The following ACMSD variants were observed in gnomAD, a reference collection of about 807,000 sequenced individuals.
ACMSD encodes the protein 2-amino-3-carboxymuconate-6-semialdehyde decarboxylase.
A neutral mutation model predicts 45.9 loss-of-function variants in ACMSD; 37 were observed. That is an observed-to-expected ratio of 0.81 (90% CI 0.62 to 1.06). The LOEUF is 1.06. ACMSD is among the 50% of genes least tolerant of loss of function. ACMSD has a pLI of 0.00. For missense variants in ACMSD, 434 were observed against 420.9 expected (o/e 1.03, Z -0.27); for synonymous variants, 138 against 148.8 (o/e 0.93, Z 0.53).
intron 8 of ACMSD, among the ~76,000 whole-genome samples, chr2:134,897,849 G>A (rs916546124): frequency 1.3e-5 from 2 of 150,750 alleles, no homozygotes; most frequent in Admixed American, 1.3e-4. Flanking sequence ...TCCAGAGATA[G>A]GGGATTTTCT....
intron 2 of ACMSD, among the ~76,000 whole-genome samples, chr2:134,852,876 C>T (rs1366287688): frequency 6.6e-6 from 1 of 151,866 alleles, no homozygotes; most frequent in Non-Finnish European, 1.5e-5. Flanking sequence ...TTTAAAAATA[C>T]ATTTCTGGCT....
At chr2:134,895,158 T>C (rs921005571) in intron 8 of ACMSD, among the ~76,000 whole-genome samples, 25 of 151,590 alleles carry the variant, frequency 1.6e-4, no homozygotes, top group African/African-American at 5.8e-4. Flanking sequence ...ACAAAAAAAT[T>C]AGCCGAGTGT....
chr2:134,895,329 T>C (rs1690048571), intron 8 of ACMSD, among the ~76,000 whole-genome samples: 1 of 62,286 alleles, frequency 1.6e-5, no homozygotes, highest in Non-Finnish European at 3.0e-5. Flanking sequence ...ATATATATGT[T>C]ATATATATAA....
At chr2:134,877,366 T>C (rs1688790758) in intron 8 of ACMSD, among the ~76,000 whole-genome samples, 1 of 152,222 alleles carries the variant, frequency 6.6e-6, no homozygotes, top group South Asian at 2.1e-4. Context: ...TAAACATTTA[T>C]TATCTCTCAT....
At chr2:134,864,671 A>C (rs140441618) in intron 5 of ACMSD, among the ~76,000 whole-genome samples, 12 of 152,330 alleles carry the variant, frequency 7.9e-5, no homozygotes, top group Admixed American at 2.6e-4. Flanking sequence ...TACCTAATAA[A>C]AAATAATACC....
intron 8 of ACMSD, among the ~76,000 whole-genome samples, chr2:134,880,250 C>CTCTTCTCTCTTCTCT (rs1688961814): frequency 1.3e-5 from 2 of 152,102 alleles, no homozygotes; most frequent in African/African-American, 4.8e-5. Context: ...TCTCTCTTCT[C>CTCTTCTCTCTTCTCT]CTTACCACAA....
intron 2 of ACMSD, among the ~76,000 whole-genome samples, chr2:134,847,444 A>ATAGATAGG (rs1491311788): frequency 7.4e-4 from 108 of 146,916 alleles, no homozygotes; most frequent in Middle Eastern, 3.4e-3. Context: ...AGATAGATAG[A>ATAGATAGG]TAGATATAGA....
chr2:134,867,995 T>C (rs1331985300), intron 6 of ACMSD, among the ~76,000 whole-genome samples: 2 of 152,180 alleles, frequency 1.3e-5, no homozygotes, highest in African/African-American at 4.8e-5. Flanking sequence ...AGTTAATACA[T>C]GAAAATGTAA....
At chr2:134,855,039 C>CTTTTTTT (rs5834430) in intron 2 of ACMSD, among the ~76,000 whole-genome samples, 1 of 150,494 alleles carries the variant, frequency 6.6e-6, no homozygotes. Context: ...TGTTTCTCAA[C>CTTTTTTT]TTTTTTTTTT....
At chr2:134,854,262 T>C (rs930152293) in intron 2 of ACMSD, among the ~76,000 whole-genome samples, 3 of 152,212 alleles carry the variant, frequency 2.0e-5, no homozygotes, top group African/African-American at 7.2e-5. Context: ...CATTCTATGA[T>C]TGAATCTTCT....
intron 7 of ACMSD, among the ~76,000 whole-genome samples, chr2:134,872,175 T>A (rs1033046755): frequency 6.6e-5 from 10 of 152,172 alleles, no homozygotes; most frequent in African/African-American, 2.4e-4. Flanking sequence ...GCCAGGATGG[T>A]CTCGATCTCC....
chr2:134,847,447 GAT>G (rs757923430), intron 2 of ACMSD, among the ~76,000 whole-genome samples: 34 of 141,122 alleles, frequency 2.4e-4, no homozygotes, highest in African/African-American at 6.8e-4. Flanking sequence ...TAGATAGATA[GAT>G]ATAGATAGAG....
At chr2:134,845,554 T>TCTCC (rs1687016977) in intron 2 of ACMSD, among the ~76,000 whole-genome samples, 4 of 119,706 alleles carry the variant, frequency 3.3e-5, no homozygotes, top group African/African-American at 1.0e-4. Flanking sequence ...TCTCTCTCTC[T>TCTCC]CCCCTCTCCC....
intron 8 of ACMSD, among the ~76,000 whole-genome samples, chr2:134,894,022 A>C (rs1057371645): frequency 2.6e-5 from 4 of 152,170 alleles, no homozygotes; most frequent in Non-Finnish European, 5.9e-5. Context: ...AAAAAGAAGA[A>C]AGACCTTAAT....
At chr2:134,890,925 A>AT (rs1559068611) in intron 8 of ACMSD, among the ~76,000 whole-genome samples, 5 of 152,206 alleles carry the variant, frequency 3.3e-5, no homozygotes, top group Middle Eastern at 6.8e-3. Flanking sequence ...TCAGGAAACC[A>AT]TAACATATCT....
intron 2 of ACMSD, among the ~76,000 whole-genome samples, chr2:134,856,864 T>C (rs1467657365): frequency 6.6e-6 from 1 of 152,112 alleles, no homozygotes; most frequent in Non-Finnish European, 1.5e-5. Flanking sequence ...CCAAATTGCT[T>C]TGACTATTTG....
At chr2:134,866,018 CTCAG>C (rs1440580939) in intron 5 of ACMSD, among the ~76,000 whole-genome samples, 2 of 152,122 alleles carry the variant, frequency 1.3e-5, no homozygotes, top group East Asian at 1.9e-4. Flanking sequence ...ATAATAAGTT[CTCAG>C]TCAATGTTAA....
chr2:134,862,205 G>A (rs996624600), intron 4 of ACMSD, among the ~76,000 whole-genome samples, 187 bp downstream of exon 4: 4 of 152,054 alleles, frequency 2.6e-5, no homozygotes, highest in Admixed American at 6.6e-5. Flanking sequence ...GCTCCAGTAC[G>A]GTAGCCAGTA....
At chr2:134,845,508 G>A (rs887617224) in intron 2 of ACMSD, among the ~76,000 whole-genome samples, 16 of 81,016 alleles carry the variant, frequency 2.0e-4, no homozygotes, top group African/African-American at 8.1e-4. Flanking sequence ...CACATTAAAA[G>A]GTCTCTCTCT....
Sources: gnomAD v4.1 joint callset for allele counts (sites outside exome capture counted in the v4.1 genomes callset) on GRCh38, gnomAD v4.1.1 for gene constraint, MANE v1.5 for transcripts, NCBI Gene and HGNC (gene_info 2026-07-23, HGNC 2026-07-21) for gene names.